Variants in RWDD4 observed in about 807,000 individuals in gnomAD.
RWDD4 encodes the protein RWD domain-containing protein 4.
In RWDD4, 16 loss-of-function variants were observed where a neutral mutation model predicts 30.0. That is an observed-to-expected ratio of 0.53 (90% CI 0.36 to 0.81). The LOEUF is 0.81. RWDD4 is among the 30% of genes least tolerant of loss of function. The pLI is 0.00. For synonymous variants in RWDD4, 45 were observed against 72.1 expected, an observed-to-expected ratio of 0.62 and a Z score of 1.90; for missense variants, 170 against 223.9, an observed-to-expected ratio of 0.76 and a Z score of 1.54.
chr4:183,658,800 G>C (rs1342856302), intron 1 of RWDD4, 129 bp downstream of exon 1: 1 of 807,828 alleles, frequency 1.2e-6, no homozygotes, highest in African/African-American at 1.8e-5. Context: ...GGTGAACTCG[G>C]GGCACCCCGG....
rs1733964532 is a variant in RWDD4, at chr4:183,646,290, AG to A, written c.534+60del. The stretch of plus-strand genomic sequence containing the variant: ...ATTTTCCATTACTTAAAAAAAAAAA[AG>A]ATCTAAAATTGAGAGTGCAGGGAAA... On this transcript the variant is annotated intron_variant, in intron 7 of 7. Transcript: ENST00000326397. 13 of 779,954 alleles carry A rather than the reference AG, an allele frequency of 1.7e-5. No individual in the cohort carries two copies. In the East Asian group the frequency reaches 2.9e-4, roughly 18 times the overall value. The allele number at this position is 779,954 out of a possible 1,614,324, so 48.3% of individuals were successfully genotyped here.
intron 5 of RWDD4, among the ~76,000 whole-genome samples, chr4:183,647,821 C>T (rs544883103): frequency 6.6e-6 from 1 of 152,226 alleles, no homozygotes; most frequent in South Asian, 2.1e-4. Context: ...TTTTATTTCA[C>T]AAACCATTAC....
chr4:183,641,222 A>C lies in RWDD4; in HGVS notation c.*214T>G, dbSNP rs1211599594. 1.7e-6 allele frequency: 1 copy of C among 595,726 alleles called. No individual in the cohort carries two copies. Among genetic ancestry groups the C allele is most frequent in the Non-Finnish European group, 3.0e-6 (1 of 332,020 alleles). The allele number at this position is 595,726 out of a possible 1,614,324, so 36.9% of individuals were successfully genotyped here. A position where few individuals can be genotyped will look rare whatever the true frequency, so the allele number is the denominator to read the frequency against. ...TTCATAAAGTATACTAAACAGTAACATTTTCACCTTTTATTAAGGCAAGTT... is the reference window on the plus strand; with the variant it reads ...TTCATAAAGTATACTAAACAGTAACCTTTTCACCTTTTATTAAGGCAAGTT... On this transcript the variant is annotated 3_prime_UTR_variant, in exon 8 of 8. Transcript: ENST00000326397.
At chr4:183,648,126 C>A (rs1233989324) in intron 5 of RWDD4, among the ~76,000 whole-genome samples, 1 of 151,962 alleles carries the variant, frequency 6.6e-6, no homozygotes, top group Non-Finnish European at 1.5e-5. Context: ...CGCCAGTAGT[C>A]TCAGCTACTC....
At chr4:183,651,881 C>T (rs999510464) in intron 2 of RWDD4, among the ~76,000 whole-genome samples, 1 of 152,180 alleles carries the variant, frequency 6.6e-6, no homozygotes, top group Non-Finnish European at 1.5e-5. Context: ...TTCTTCCGCT[C>T]TGCTAACTTT....
Position 183,649,469 on chromosome 4 carries a change from T to C in RWDD4, c.463A>G (p.Lys155Glu), listed in dbSNP as rs1734032005. The C allele has an allele frequency of 1.2e-5, 20 of 1,608,166 alleles. No homozygotes were observed. The highest frequency in any genetic ancestry group is 1.7e-5 in the Non-Finnish European group (20 of 1,175,928). ...CACAAACCTGTTTTGTCTGCCAGCT[T>C]ACGCTTCTGGGCTTTTGAAAGTTGT... is the stretch of plus-strand genomic sequence containing the variant. ...KEQLSKAQKR[K>E]LADKTDHKGE... The change falls in exon 5 of 8, where the codon AAG (lysine) becomes GAG (glutamate). Residue 155 changes from lysine (K) to glutamate (E), a missense_variant. Physicochemically the swap from Lys to Glu is moderately conservative, Grantham distance 56. Transcript: ENST00000326397.
intron 7 of RWDD4, among the ~76,000 whole-genome samples, chr4:183,643,480 G>A (rs556162990): frequency 3.7e-4 from 46 of 125,710 alleles, no homozygotes; most frequent in Admixed American, 5.5e-4. Context: ...TTACTATTAC[G>A]ATGCAAATAG....
At position 183,650,567 on chromosome 4, in the gene RWDD4, T is replaced by C. The variant is rs79023912; in HGVS notation, c.363+417A>G. 7.5e-3 allele frequency among the ~76,000 whole-genome samples: 1,135 copies of C among 151,962 alleles called. 14 individuals carry two copies. The highest frequency in any genetic ancestry group is 0.026 in the African/African-American group (1,065 of 41,428). On this transcript the variant is annotated intron_variant, in intron 4 of 7. Coordinates refer to ENST00000326397, the MANE Select transcript of RWDD4 (RefSeq NM_152682.4). Reference sequence around the variant, plus strand: ...TTTTCTATTCAATAAAGTTTCCACATGCTGCAACATCTACACATTGAACTG... The same window carrying C: ...TTTTCTATTCAATAAAGTTTCCACACGCTGCAACATCTACACATTGAACTG...
intron 1 of RWDD4, among the ~76,000 whole-genome samples, chr4:183,656,843 C>T (rs1034681291): frequency 6.6e-6 from 1 of 152,040 alleles, no homozygotes; most frequent in African/African-American, 2.4e-5. Context: ...CTGGCCAACA[C>T]GGTGAAACCC....
At chr4:183,641,715 T>C (rs1396484871) in intron 7 of RWDD4, among the ~76,000 whole-genome samples, 1 of 152,130 alleles carries the variant, frequency 6.6e-6, no homozygotes, top group Non-Finnish European at 1.5e-5. Context: ...GGGACACTCT[T>C]GAAGCTTTCT....
intron 1 of RWDD4, 106 bp from the exon 2 acceptor site, chr4:183,656,067 T>C: frequency 1.4e-6 from 1 of 712,074 alleles, no homozygotes; most frequent in Non-Finnish European, 2.4e-6. Flanking sequence ...AAAGCTTGAC[T>C]AACTTATATA....
At chr4:183,658,800 G>T in intron 1 of RWDD4, 129 bp downstream of exon 1, 1 of 807,944 alleles carries the variant, frequency 1.2e-6, no homozygotes. Context: ...GGTGAACTCG[G>T]GGCACCCCGG....
Position 183,658,998 on chromosome 4 carries a change from A to G in RWDD4, c.-46T>C, listed in dbSNP as rs1372651993. On this transcript the variant is annotated 5_prime_UTR_variant, in exon 1 of 8. Transcript: ENST00000326397. ...TCCTGAGCGGACGGCGTTCGCAACA[A>G]CGAAGAGAAAGCGAAGGCAGCGGCC... The G allele has an allele frequency of 4.0e-6, 5 of 1,253,214 alleles. No individual in the cohort carries two copies. The South Asian group carries it at 1.5e-4, about 37-fold the overall frequency. The allele number at this position is 1,253,214 out of a possible 1,614,324, so 77.6% of individuals were successfully genotyped here.
rs540961421 is a variant in RWDD4, at chr4:183,642,387, C to T, written c.535-919G>A. Among the ~76,000 whole-genome samples, 16 of 86,584 alleles carry T rather than the reference C, an allele frequency of 1.8e-4. 8 individuals carry two copies. The highest frequency in any genetic ancestry group is 9.0e-4 in the African/African-American group (12 of 13,292). 56.8% of individuals were successfully genotyped at this position (86,584 alleles called of 152,430 possible). A position where few individuals can be genotyped will look rare whatever the true frequency, so the allele number is the denominator to read the frequency against. ...TGTATTTTTAGTAGAGACGGGGTTT[C>T]ACCGTGTTAGCCAGGATGGTCTCGA... On this transcript the variant is annotated intron_variant, in intron 7 of 7. Transcript: ENST00000326397.
intron 2 of RWDD4, among the ~76,000 whole-genome samples, chr4:183,654,972 G>A (rs1443336339): frequency 1.3e-5 from 2 of 148,908 alleles, no homozygotes; most frequent in African/African-American, 5.0e-5. Flanking sequence ...TTTGAGTCCC[G>A]CTCTGTCGCC....
intron 2 of RWDD4, among the ~76,000 whole-genome samples, chr4:183,655,437 A>C (rs189124316): frequency 2.0e-5 from 3 of 151,036 alleles, no homozygotes; most frequent in Non-Finnish European, 4.4e-5. Context: ...GCCCGCCACC[A>C]TGCCCGGCTA....
At chr4:183,641,599 T>C in intron 7 of RWDD4, 131 bp from the exon 8 acceptor site, 1 of 707,658 alleles carries the variant, frequency 1.4e-6, no homozygotes, top group Non-Finnish European at 2.5e-6. Flanking sequence ...TTACCACATG[T>C]AGCTACTTTT....
chr4:183,642,516 G>A (rs1333421420), intron 7 of RWDD4, among the ~76,000 whole-genome samples: 1 of 152,074 alleles, frequency 6.6e-6, no homozygotes, highest in Non-Finnish European at 1.5e-5. Flanking sequence ...CTAGCTCAGT[G>A]GAAGACAGCT....
rs1733831188 is a variant in RWDD4, at chr4:183,640,139, CT to C, written c.*1296del. On this transcript the variant is annotated 3_prime_UTR_variant, in exon 8 of 8. Coordinates refer to ENST00000326397, the MANE Select transcript of RWDD4 (RefSeq NM_152682.4). ...GATTAACTCCTTTGCTGTAATTATA[CT>C]TACTCTATAATTCAAACTATTTAGC... 1 of 130,778 alleles carries C rather than the reference CT, an allele frequency of 7.6e-6. No homozygotes were observed. The highest frequency in any genetic ancestry group is 2.9e-5 in the African/African-American group (1 of 34,052). The allele number at this position is 130,778 out of a possible 1,614,324, so 8.1% of individuals were successfully genotyped here. A position where few individuals can be genotyped will look rare whatever the true frequency, so the allele number is the denominator to read the frequency against.
Sources: allele counts gnomAD v4.1 joint callset (sites outside exome capture counted in the v4.1 genomes callset), GRCh38; gene constraint gnomAD v4.1.1; transcripts MANE v1.5; gene names NCBI Gene and HGNC (gene_info 2026-07-23, HGNC 2026-07-21).